The following CYFIP2 variants were observed in gnomAD, a reference collection of about 807,000 sequenced individuals.
CYFIP2 encodes cytoplasmic FMR1-interacting protein 2.
Under a neutral mutation model 158.7 loss-of-function variants are expected in CYFIP2, and 29 were observed. That is an observed-to-expected ratio of 0.18 (90% CI 0.14 to 0.25). The LOEUF (loss-of-function observed/expected upper bound fraction) is 0.25. Ranked by LOEUF, CYFIP2 falls within the 10% of genes least tolerant of loss-of-function variation. The pLI is 1.00. For missense variants in CYFIP2, 852 were observed against 1,639.5 expected (o/e 0.52, Z 8.29); for synonymous variants, 585 against 617.6 (o/e 0.95, Z 0.78).
At chr5:157,330,369 T>C (rs532198877) in intron 19 of CYFIP2, among the ~76,000 whole-genome samples, 1 of 152,138 alleles carries the variant, frequency 6.6e-6, no homozygotes, top group African/African-American at 2.4e-5. Flanking sequence ...CTGTTTGTGT[T>C]TATATTATCA....
At chr5:157,364,516 A>T (rs1164693687) in intron 26 of CYFIP2, 2 of 152,276 alleles carry the variant, frequency 1.3e-5, no homozygotes. Context: ...CAGAGAGAGG[A>T]GGAACTCACC....
chr5:157,336,260 C>G (rs1761850666), intron 21 of CYFIP2, among the ~76,000 whole-genome samples: 1 of 152,210 alleles, frequency 6.6e-6, no homozygotes, highest in Admixed American at 6.5e-5. Flanking sequence ...CACAGCTGAG[C>G]AAACAGAGTC....
Position 157,311,054 on chromosome 5 carries a change from A to G in CYFIP2, c.993-610A>G, listed in dbSNP as rs1322084497. The G allele has an allele frequency of 6.8e-6, 3 of 439,296 alleles. No homozygotes were observed. The highest frequency in any genetic ancestry group is 1.3e-5 in the Non-Finnish European group (3 of 223,826). 27.2% of individuals were successfully genotyped at this position (439,296 alleles called of 1,614,324 possible). A position where few individuals can be genotyped will look rare whatever the true frequency, so the allele number is the denominator to read the frequency against. On this transcript the variant is annotated intron_variant, in intron 10 of 30. Coordinates refer to ENST00000620254, the MANE Select transcript of CYFIP2 (RefSeq NM_001037333.3). This position sits in a 1 kb window ranked among gnomAD's most constrained non-coding sequence, Gnocchi z 4.7. Reference sequence around the variant, plus strand: ...AAGGCGTGGAAAAAAGGCGGAGGGAAGGAGGAAAGAGGGTGGAAAGAGAAG... The same window carrying G: ...AAGGCGTGGAAAAAAGGCGGAGGGAGGGAGGAAAGAGGGTGGAAAGAGAAG...
At chr5:157,357,683 T>C (rs947902172) in intron 23 of CYFIP2, among the ~76,000 whole-genome samples, 4 of 151,934 alleles carry the variant, frequency 2.6e-5, no homozygotes, top group African/African-American at 7.3e-5. Context: ...ACAAAAAAAT[T>C]AGCTGTGCAT....
chr5:157,341,004 T>C (rs1163767806), intron 22 of CYFIP2, 66 bp from the exon 23 acceptor site: 47 of 1,475,818 alleles, frequency 3.2e-5, no homozygotes, highest in Non-Finnish European at 4.2e-5. Flanking sequence ...ACTCCTGTTA[T>C]CTGTGTCCCA....
intron 26 of CYFIP2, among the ~76,000 whole-genome samples, chr5:157,374,907 G>A (rs2113464113): frequency 6.6e-6 from 1 of 152,332 alleles, no homozygotes; most frequent in Admixed American, 6.5e-5. Flanking sequence ...TGCGTTGCAA[G>A]ACCAGCCTCT....
chr5:157,390,075 C>T (rs1456147377), intron 29 of CYFIP2, among the ~76,000 whole-genome samples: 1 of 152,200 alleles, frequency 6.6e-6, no homozygotes, highest in African/African-American at 2.4e-5. Context: ...CCACCATGGC[C>T]TGTCCCTTCC....
At chr5:157,347,306 A>G (rs77942839) in intron 23 of CYFIP2, among the ~76,000 whole-genome samples, 42 of 42,830 alleles carry the variant, frequency 9.8e-4, no homozygotes, top group Middle Eastern at 0.014. Flanking sequence ...TTTCCCTTGG[A>G]AAAAAAAAAA....
Position 157,314,367 on chromosome 5 carries a change from C to G in CYFIP2, c.1134C>G (p.Asp378Glu). The G allele has an allele frequency of 1.9e-6, 3 of 1,613,852 alleles. No individual in the cohort carries two copies. The highest frequency in any genetic ancestry group is 2.5e-6 in the Non-Finnish European group (3 of 1,179,840). The change falls in exon 12 of 31, where the codon GAC (aspartate) becomes GAG (glutamate). Residue 378 changes from aspartate (D) to glutamate (E), a missense_variant. This residue lies in a region of CYFIP2 where 133 missense variants were observed against 197.1 expected (regional missense o/e 0.67). Coordinates refer to ENST00000620254, the MANE Select transcript of CYFIP2 (RefSeq NM_001037333.3). ...AGGTGGTGACGGGCTCAGGGCTGGA[C>G]AGCCAGAAGTCAGACGAGGAGTATC... ...NSEVVTGSGLDSQKSDEEYRE... is the reference protein window; with the variant it reads ...NSEVVTGSGLESQKSDEEYRE...
intron 29 of CYFIP2, among the ~76,000 whole-genome samples, chr5:157,389,851 C>T (rs147282317): frequency 0.012 from 1,884 of 152,310 alleles, 24 homozygotes; most frequent in South Asian, 0.029. Flanking sequence ...TGTTTCAGAG[C>T]AGCGCTAGCC....
intron 11 of CYFIP2, among the ~76,000 whole-genome samples, 161 bp from the exon 12 acceptor site, chr5:157,314,183 A>G (rs1759954735): frequency 6.6e-6 from 1 of 152,230 alleles, no homozygotes; most frequent in East Asian, 1.9e-4. Context: ...GTGATTTATA[A>G]ACCATGTGGC....
rs373078254 is a variant in CYFIP2, at chr5:157,378,697, A to G, written c.3040-3893A>G. On this transcript the variant is annotated intron_variant, in intron 26 of 30. Transcript: ENST00000620254. ...TACCAGCCTTGATGTCCTTGTCCAC[A>G]GGATGGGGACAGTGAGCCCTATCTC... 1.2e-4 allele frequency among the ~76,000 whole-genome samples: 18 copies of G among 152,318 alleles called. No individual in the cohort carries two copies. In the East Asian group the frequency reaches 3.1e-3, roughly 26 times the overall value.
chr5:157,363,957 C>T (rs1764095957), intron 26 of CYFIP2: 1 of 152,074 alleles, frequency 6.6e-6, no homozygotes, highest in African/African-American at 2.4e-5. Context: ...GTGACTTGGA[C>T]CTGCCATTCT....
chr5:157,364,212 G>GT (rs1764148575), intron 26 of CYFIP2: 2 of 141,842 alleles, frequency 1.4e-5, no homozygotes, highest in African/African-American at 5.3e-5. Flanking sequence ...GGCGGGGGGG[G>GT]GTGGGTCCCT....
At chr5:157,356,314 A>G (rs567867962) in intron 23 of CYFIP2, among the ~76,000 whole-genome samples, 83 of 152,260 alleles carry the variant, frequency 5.5e-4, no homozygotes, top group African/African-American at 2.0e-3. Flanking sequence ...GATCCCACTC[A>G]TGAGGGCTCC....
chr5:157,279,096 A>G (rs1313241311), intron 1 of CYFIP2, among the ~76,000 whole-genome samples: 1 of 152,188 alleles, frequency 6.6e-6, no homozygotes, highest in Non-Finnish European at 1.5e-5. Context: ...AATTCTATAA[A>G]TTTATTGTAA....
At chr5:157,279,497 A>G (rs1756822006) in intron 1 of CYFIP2, among the ~76,000 whole-genome samples, 1 of 152,234 alleles carries the variant, frequency 6.6e-6, no homozygotes, top group Non-Finnish European at 1.5e-5. Flanking sequence ...GTCGCCCTGC[A>G]TTTATGGGAC....
At position 157,325,650 on chromosome 5, in the gene CYFIP2, G is replaced by T; in HGVS notation, c.1982+12G>T. On this transcript the variant is annotated intron_variant, in intron 17 of 30. Transcript: ENST00000620254. ...CCTTCCATGATGGAGTAAGAGGCAGGATTGGGCCAGCAAGTGGCTCCTGGG... is the reference window on the plus strand; with the variant it reads ...CCTTCCATGATGGAGTAAGAGGCAGTATTGGGCCAGCAAGTGGCTCCTGGG... 3 of 1,586,242 alleles carry T rather than the reference G, an allele frequency of 1.9e-6. No homozygotes were observed. The South Asian group carries it at 3.5e-5, about 18-fold the overall frequency.
Position 157,349,006 on chromosome 5 carries a change from C to T in CYFIP2, c.2673+7849C>T, listed in dbSNP as rs181313916. Among the ~76,000 whole-genome samples the T allele has an allele frequency of 7.7e-4, 116 of 151,172 alleles. 1 individual carries two copies. Among genetic ancestry groups the T allele is most frequent in the African/African-American group, 2.6e-3 (109 of 41,186 alleles). ...GTGTTGCCCAGACTGGTCTCGAACT[C>T]CTGGGCTCAAGCAATCCACCCACCT... is the stretch of plus-strand genomic sequence containing the variant. On this transcript the variant is annotated intron_variant, in intron 23 of 30. Transcript: ENST00000620254.
Sources: allele counts gnomAD v4.1 joint callset (sites outside exome capture counted in the v4.1 genomes callset), GRCh38; gene constraint gnomAD v4.1.1; regional missense constraint gnomAD v4.1.1; non-coding constraint Gnocchi (gnomAD v3.1); transcripts MANE v1.5; gene names NCBI Gene and HGNC (gene_info 2026-07-23, HGNC 2026-07-21).